SPRED3: variants seen among roughly 807,000 people sequenced by gnomAD.
SPRED3 encodes sprouty related EVH1 domain containing 3.
In SPRED3, 23 loss-of-function variants were observed where a neutral mutation model predicts 37.6. The observed-to-expected ratio is 0.61, with a 90% CI of 0.44 to 0.87. The LOEUF is 0.87. Among genes scored for constraint, SPRED3 ranks in the 40% least tolerant of loss-of-function variants. The pLI, the probability that SPRED3 is intolerant of heterozygous loss-of-function variation, is 0.00. For synonymous variants in SPRED3, 302 were observed against 279.6 expected (o/e 1.08, Z -0.80); for missense variants, 584 against 618.6 (o/e 0.94, Z 0.59).
Position 38,397,799 on chromosome 19 carries a change from G to A in SPRED3, c.*1654G>A, listed in dbSNP as rs1040493699. On this transcript the variant is annotated 3_prime_UTR_variant, in exon 6 of 6. Transcript: ENST00000691638. Reference sequence around the variant, plus strand: ...GTAGGACCACCCAGGGTGGGGCACAGTGGCTCATGCCTTGTAATCCCAGCA... The same window carrying A: ...GTAGGACCACCCAGGGTGGGGCACAATGGCTCATGCCTTGTAATCCCAGCA... The A allele has an allele frequency of 1.5e-4, 23 of 152,406 alleles. No individual in the cohort carries two copies. Among genetic ancestry groups the A allele is most frequent in the African/African-American group, 5.5e-4 (23 of 41,546 alleles). The allele number at this position is 152,406 out of a possible 1,614,324, so 9.4% of individuals were successfully genotyped here. A position where few individuals can be genotyped will look rare whatever the true frequency, so the allele number is the denominator to read the frequency against.
intron 4 of SPRED3, among the ~76,000 whole-genome samples, chr19:38,393,212 G>C (rs1331978704): frequency 1.3e-5 from 2 of 152,226 alleles, no homozygotes; most frequent in East Asian, 3.9e-4. Flanking sequence ...TCTTCTCAGG[G>C]AGGGCCTCCC....
Position 38,395,513 on chromosome 19 carries a change from C to G in SPRED3, c.601C>G (p.Pro201Ala). Residue 201 changes from proline (P) to alanine (A), a missense_variant, in exon 6 of 6, where the codon CCG becomes GCG. This residue lies in a region of SPRED3 where 310 missense variants were observed against 281.1 expected (regional missense o/e 1.10). Transcript: ENST00000691638. This position sits in a 1 kb window ranked among gnomAD's most constrained non-coding sequence, Gnocchi z 5.2. ...YPPLLPFTGIPEPSEPLAGAG... is the reference protein window; with the variant it reads ...YPPLLPFTGIAEPSEPLAGAG... Reference sequence around the variant, plus strand: ...TCCGCTTCTACCGTTCACGGGGATTCCGGAACCCTCAGAGCCCCTGGCAGG... The same window carrying G: ...TCCGCTTCTACCGTTCACGGGGATTGCGGAACCCTCAGAGCCCCTGGCAGG... 1 of 1,524,774 alleles carries G rather than the reference C, an allele frequency of 6.6e-7. No homozygotes were observed. The highest frequency in any genetic ancestry group is 8.8e-7 in the Non-Finnish European group (1 of 1,141,258). The allele number at this position is 1,524,774 out of a possible 1,614,324, so 94.5% of individuals were successfully genotyped here. A position where few individuals can be genotyped will look rare whatever the true frequency, so the allele number is the denominator to read the frequency against.
chr19:38,390,421 A>G lies in SPRED3; in HGVS notation c.119A>G (p.Glu40Gly), dbSNP rs1045972041. ...TGTCGGGTCCGAGGGGCCAGGCCCG[A>G]GGGGGGGGCCCGCCAGGGGCACTAC... is the stretch of plus-strand genomic sequence containing the variant. Reference protein sequence around the residue: ...SVCRVRGARPEGGARQGHYVI... With the variant: ...SVCRVRGARPGGGARQGHYVI... Residue 40 changes from glutamate to glycine, a missense_variant, in exon 2 of 6, where the codon GAG becomes GGG. By Grantham distance (98) the Glu-to-Gly change is moderately conservative. Transcript: ENST00000691638. The G allele has an allele frequency of 3.8e-6, 5 of 1,330,316 alleles. No individual in the cohort carries two copies. Among genetic ancestry groups the G allele is most frequent in the South Asian group, 2.1e-5 (1 of 48,556 alleles). The allele number at this position is 1,330,316 out of a possible 1,614,324, so 82.4% of individuals were successfully genotyped here. A position where few individuals can be genotyped will look rare whatever the true frequency, so the allele number is the denominator to read the frequency against.
Position 38,397,488 on chromosome 19 carries a change from A to G in SPRED3, c.*1343A>G. On this transcript the variant is annotated 3_prime_UTR_variant, in exon 6 of 6. Coordinates refer to ENST00000691638, the MANE Select transcript of SPRED3 (RefSeq NM_001394336.1). ...ATCCCTCCATACCAGAGGCGTTCAG[A>G]TTCGAGGTGCCCCAAGACCCCAGCA... 6.6e-6 allele frequency: 1 copy of G among 152,396 alleles called. No individual in the cohort carries two copies. The highest frequency in any genetic ancestry group is 1.5e-5 in the Non-Finnish European group (1 of 68,158). The allele number at this position is 152,396 out of a possible 1,614,324, so 9.4% of individuals were successfully genotyped here.
Position 38,392,130 on chromosome 19 carries a change from G to A in SPRED3, c.346+16G>A, listed in dbSNP as rs765370260. 1 of 1,613,880 alleles carries A rather than the reference G, an allele frequency of 6.2e-7. No individual in the cohort carries two copies. The highest frequency in any genetic ancestry group is 8.5e-7 in the Non-Finnish European group (1 of 1,179,786). ...CTGGGTCGAGGTGAGCAGCCCAGGT[G>A]ATGTGCACTGTGGGCTGGCCTGGGA... is the stretch of plus-strand genomic sequence containing the variant. On this transcript the variant is annotated intron_variant, in intron 3 of 5. Transcript: ENST00000691638.
intron 5 of SPRED3, among the ~76,000 whole-genome samples, 156 bp downstream of exon 5, chr19:38,394,942 T>C (rs1458833348): frequency 1.3e-5 from 2 of 151,624 alleles, no homozygotes; most frequent in African/African-American, 4.9e-5. Flanking sequence ...GGCGGGGAAA[T>C]AGGGAGAGGC....
At chr19:38,390,618 C>T in intron 2 of SPRED3, 139 bp downstream of exon 2, 1 of 657,860 alleles carries the variant, frequency 1.5e-6, no homozygotes, top group Admixed American at 4.3e-5. Context: ...GAATATCTGT[C>T]CTGTAGATAA....
chr19:38,393,111 G>A (rs1020224479), intron 4 of SPRED3, among the ~76,000 whole-genome samples: 4 of 152,020 alleles, frequency 2.6e-5, no homozygotes, highest in Admixed American at 6.6e-5. Context: ...CTGCCCCAGC[G>A]CCTTTGCACT....
intron 2 of SPRED3, among the ~76,000 whole-genome samples, chr19:38,391,639 T>C (rs931906363): frequency 1.3e-4 from 20 of 152,178 alleles, no homozygotes; most frequent in Non-Finnish European, 2.5e-4. Flanking sequence ...GGTTCATGCC[T>C]GTAATCCCAG....
intron 4 of SPRED3, chr19:38,394,347 A>T: frequency 1.3e-6 from 2 of 1,547,078 alleles, no homozygotes; most frequent in Non-Finnish European, 1.8e-6. Context: ...AAAAATAACA[A>T]TAACCATTTC....
rs1970880147 is a variant in SPRED3 at position 38,395,214 on chromosome 19, G to A, written c.568-266G>A. 6.6e-6 allele frequency among the ~76,000 whole-genome samples: 1 copy of A among 151,982 alleles called. No homozygotes were observed. The highest frequency in any genetic ancestry group is 2.1e-4 in the South Asian group (1 of 4,816). ...GGGTCCAGAACCCCTGGATCTCAAGGTAGAGGGGGCTGGGAGCTGGGGCTC... is the reference window on the plus strand; with the variant it reads ...GGGTCCAGAACCCCTGGATCTCAAGATAGAGGGGGCTGGGAGCTGGGGCTC... On this transcript the variant is annotated intron_variant, in intron 5 of 5. Transcript: ENST00000691638. This position sits in a 1 kb window ranked among gnomAD's most constrained non-coding sequence, Gnocchi z 5.2.
At position 38,394,632 on chromosome 19, in the gene SPRED3, A is replaced by G. The variant is rs1289324383; in HGVS notation, c.424-11A>G. 5 of 1,588,608 alleles carry G rather than the reference A, an allele frequency of 3.1e-6. No individual in the cohort carries two copies. Among genetic ancestry groups the G allele is most frequent in the South Asian group, 2.2e-5 (2 of 88,982 alleles). ...GCGTGTCCCCGCGCTGAGGCCGCCA[A>G]TCTCCTCCAGTCCCACGTGGACAGC... On this transcript the variant is annotated splice_polypyrimidine_tract_variant and intron_variant, in intron 4 of 5. Coordinates refer to ENST00000691638, the MANE Select transcript of SPRED3 (RefSeq NM_001394336.1).
In SPRED3 at chr19:38,390,421, A is replaced by T. The variant is rs1045972041; in HGVS notation, c.119A>T (p.Glu40Val). The change falls in exon 2 of 6, where the codon GAG becomes GTG. Residue 40 changes from glutamate (E) to valine (V), a missense_variant. Glu to Val is a moderately radical substitution (Grantham distance 121). Transcript: ENST00000691638. ...SVCRVRGARP[E>V]GGARQGHYVI... ...TGTCGGGTCCGAGGGGCCAGGCCCG[A>T]GGGGGGGGCCCGCCAGGGGCACTAC... 3 of 1,330,226 alleles carry T rather than the reference A, an allele frequency of 2.3e-6. No individual in the cohort carries two copies. The highest frequency in any genetic ancestry group is 1.6e-5 in the African/African-American group (1 of 61,738). 82.4% of individuals were successfully genotyped at this position (1,330,226 alleles called of 1,614,324 possible).
At position 38,392,120 on chromosome 19, in the gene SPRED3, C is replaced by G. The variant is rs759884127; in HGVS notation, c.346+6C>G. 1 of 1,614,094 alleles carries G rather than the reference C, an allele frequency of 6.2e-7. No homozygotes were observed. Among genetic ancestry groups the G allele is most frequent in the South Asian group, 1.1e-5 (1 of 91,078 alleles). ...GCTGGCCGCACTGGGTCGAGGTGAG[C>G]AGCCCAGGTGATGTGCACTGTGGGC... On this transcript the variant is annotated splice_donor_region_variant and intron_variant, in intron 3 of 5. Coordinates refer to ENST00000691638, the MANE Select transcript of SPRED3 (RefSeq NM_001394336.1).
At chr19:38,393,344 CT>C (rs74176441) in intron 4 of SPRED3, among the ~76,000 whole-genome samples, 900 of 121,098 alleles carry the variant, frequency 7.4e-3, no homozygotes, top group African/African-American at 0.012. Flanking sequence ...ATACTATTAT[CT>C]TTTTTTTTTT....
chr19:38,396,141 G>A lies in SPRED3; in HGVS notation c.1229G>A (p.Arg410Gln). The change falls in exon 6 of 6, where the codon CGG becomes CAG. Residue 410 changes from arginine to glutamine, a missense_variant. Around this residue, in one of 7 missense-constraint regions of SPRED3, gnomAD observed 85 missense variants for 117.8 expected, o/e 0.72. Transcript: ENST00000691638. ...GGGGGTCGCCACGAGGAGGCTGCGCGGTGAGGACGGCCTGGTGGGTCCCCT... is the reference window on the plus strand; with the variant it reads ...GGGGGTCGCCACGAGGAGGCTGCGCAGTGAGGACGGCCTGGTGGGTCCCCT... The part of the protein sequence containing the change: ...GCGGRHEEAA[R>Q] 7.8e-7 allele frequency: 1 copy of A among 1,275,734 alleles called. No homozygotes were observed. The highest frequency in any genetic ancestry group is 9.9e-7 in the Non-Finnish European group (1 of 1,014,070). The allele number at this position is 1,275,734 out of a possible 1,614,324, so 79.0% of individuals were successfully genotyped here.
intron 4 of SPRED3, chr19:38,392,541 A>G: frequency 2.5e-6 from 1 of 396,934 alleles, no homozygotes; most frequent in Non-Finnish European, 4.4e-6. Flanking sequence ...ACTGGGTTAC[A>G]TCAGTGAACA....
chr19:38,391,338 A>AG (rs1404118794), intron 2 of SPRED3, among the ~76,000 whole-genome samples: 3 of 151,120 alleles, frequency 2.0e-5, no homozygotes, highest in African/African-American at 4.9e-5. Flanking sequence ...AAAAAAAAAA[A>AG]AAAGAGAGAG....
rs763473099 is a variant in SPRED3, at chr19:38,395,701, C to G, written c.789C>G (p.Thr263=). ...GPPAALPAPL[T]EAAPPAPPAR... ...CAGCGGCACTACCTGCCCCTTTGAC[C>G]GAGGCTGCGCCCCCAGCGCCCCCCG... The change falls in exon 6 of 6, where the codon ACC becomes ACG. Residue 263 remains threonine (T), a synonymous_variant. Coordinates refer to ENST00000691638, the MANE Select transcript of SPRED3 (RefSeq NM_001394336.1). The surrounding 1 kb of genome is among the most constrained non-coding windows in gnomAD (Gnocchi z 5.2). 140 of 1,467,686 alleles carry G rather than the reference C, an allele frequency of 9.5e-5. No individual in the cohort carries two copies. The highest frequency in any genetic ancestry group is 1.2e-4 in the Non-Finnish European group (136 of 1,120,866). The allele number at this position is 1,467,686 out of a possible 1,614,324, so 90.9% of individuals were successfully genotyped here.
Sources: gnomAD v4.1 joint callset for allele counts (sites outside exome capture counted in the v4.1 genomes callset) on GRCh38, gnomAD v4.1.1 for gene constraint, gnomAD v4.1.1 regional missense constraint, Gnocchi (gnomAD v3.1) non-coding constraint, MANE v1.5 for transcripts, NCBI Gene and HGNC (gene_info 2026-07-23, HGNC 2026-07-21) for gene names.